The following PAM variants were observed in gnomAD, a reference collection of about 807,000 sequenced individuals.
The protein encoded by PAM is peptidylglycine alpha-amidating monooxygenase, also known as peptidyl-glycine alpha-amidating monooxygenase.
In PAM, 72 loss-of-function variants were observed where a neutral mutation model predicts 122.1. The observed-to-expected ratio is 0.59, with a 90% CI of 0.49 to 0.72. The LOEUF (loss-of-function observed/expected upper bound fraction) is 0.72. Among genes scored for constraint, PAM ranks in the 30% least tolerant of loss-of-function variants. The pLI, the probability that PAM is intolerant of heterozygous loss-of-function variation, is 0.00. For missense variants in PAM, 1,106 were observed against 1,183.7 expected (o/e 0.93, Z 0.96); for synonymous variants, 389 against 404.4 (o/e 0.96, Z 0.46).
intron 3 of PAM, among the ~76,000 whole-genome samples, chr5:102,878,930 T>G (rs1320963101): frequency 1.3e-5 from 2 of 152,030 alleles, no homozygotes; most frequent in African/African-American, 2.4e-5. Context: ...TTCTTTTTTT[T>G]TTTGTTTTTT....
intron 22 of PAM, among the ~76,000 whole-genome samples, chr5:103,018,762 A>T (rs1782719227): frequency 6.6e-6 from 1 of 152,194 alleles, no homozygotes; most frequent in Non-Finnish European, 1.5e-5. Context: ...ATGATTCCTG[A>T]ACTCATTAAT....
At position 102,926,602 on chromosome 5, in the gene PAM, G is replaced by C. The variant is rs757217194; in HGVS notation, c.460G>C (p.Gly154Arg). The change falls in exon 7 of 26, where the codon GGA becomes CGA. Residue 154 changes from glycine (G) to arginine (R), a missense_variant. Gly to Arg is a moderately radical substitution (Grantham distance 125). Around this residue, in one of 3 missense-constraint regions of PAM, gnomAD observed 670 missense variants for 690.3 expected, o/e 0.97. Coordinates refer to ENST00000438793, the MANE Select transcript of PAM (RefSeq NM_001177306.2). ...RLPKGVGFRV[G>R]GETGSKYFVL... Reference sequence around the variant, plus strand: ...ATCTTTAGGTGTTGGATTCAGAGTTGGAGGAGAGACTGGAAGTAAATACTT... The same window carrying C: ...ATCTTTAGGTGTTGGATTCAGAGTTCGAGGAGAGACTGGAAGTAAATACTT... 1.9e-6 allele frequency: 3 copies of C among 1,584,960 alleles called. No homozygotes were observed.
intron 12 of PAM, among the ~76,000 whole-genome samples, chr5:102,956,507 C>T (rs3776871): frequency 0.29 from 43,522 of 151,792 alleles, 6,519 homozygotes; most frequent in East Asian, 0.43. Context: ...TTACATTATT[C>T]AGAAAGTTAC....
At chr5:102,813,482 A>G (rs1768613721) in intron 1 of PAM, among the ~76,000 whole-genome samples, 1 of 152,224 alleles carries the variant, frequency 6.6e-6, no homozygotes. Context: ...ATTGCAGATC[A>G]GAGAACCATT....
chr5:102,952,265 C>G (rs1180289371), intron 12 of PAM, among the ~76,000 whole-genome samples: 1 of 152,070 alleles, frequency 6.6e-6, no homozygotes, highest in Non-Finnish European at 1.5e-5. Flanking sequence ...TGAGTTCTGT[C>G]TGTGAGGTAA....
intron 3 of PAM, among the ~76,000 whole-genome samples, chr5:102,900,646 T>G (rs1797553841): frequency 6.6e-6 from 1 of 151,596 alleles, no homozygotes; most frequent in Admixed American, 6.6e-5. Context: ...GTATTTGTAT[T>G]GGGCATATTA....
upstream of PAM, chr5:102,755,251 C>T (rs1749745975): frequency 1.3e-5 from 2 of 152,216 alleles, no homozygotes; most frequent in African/African-American, 4.8e-5. Flanking sequence ...CTCAGCCTGT[C>T]CCCGCCCAGG....
intron 4 of PAM, among the ~76,000 whole-genome samples, chr5:102,911,282 C>T (rs1801321803): frequency 6.6e-6 from 1 of 151,938 alleles, no homozygotes; most frequent in Non-Finnish European, 1.5e-5. Context: ...TTCTAATATA[C>T]TTAGCATTTA....
At chr5:102,956,953 A>T (rs993905321) in intron 12 of PAM, among the ~76,000 whole-genome samples, 2 of 152,098 alleles carry the variant, frequency 1.3e-5, no homozygotes, top group African/African-American at 4.8e-5. Context: ...TATTAACAAG[A>T]TATTTTATAT....
At chr5:102,973,562 A>G (rs1231077684) in intron 14 of PAM, among the ~76,000 whole-genome samples, 1 of 152,202 alleles carries the variant, frequency 6.6e-6, no homozygotes, top group Admixed American at 6.6e-5. Context: ...AGGAACAACT[A>G]GAGCTTACAG....
At chr5:102,938,282 T>C (rs1753935322) in intron 7 of PAM, among the ~76,000 whole-genome samples, 1 of 152,194 alleles carries the variant, frequency 6.6e-6, no homozygotes, top group Non-Finnish European at 1.5e-5. Context: ...AGTCATCTCA[T>C]TGATTCCATG....
intron 4 of PAM, among the ~76,000 whole-genome samples, chr5:102,904,149 A>G (rs914393711): frequency 1.3e-5 from 2 of 151,524 alleles, no homozygotes; most frequent in South Asian, 2.1e-4. Flanking sequence ...GAATGAAGCT[A>G]TAGCCTTTTT....
chr5:102,854,421 C>T (rs73192711), intron 1 of PAM, among the ~76,000 whole-genome samples: 7,615 of 152,024 alleles, frequency 0.05, 414 homozygotes, highest in East Asian at 0.18. Flanking sequence ...CATTTTTCTG[C>T]GACTTAAAAA....
At chr5:102,854,921 T>C (rs561125369) in intron 1 of PAM, among the ~76,000 whole-genome samples, 85 of 152,352 alleles carry the variant, frequency 5.6e-4, no homozygotes, top group South Asian at 3.7e-3. Flanking sequence ...GTTAGTGCTA[T>C]AGACTAGAAA....
At chr5:103,028,321 C>A in intron 25 of PAM, 83 bp downstream of exon 25, 1 of 982,944 alleles carries the variant, frequency 1.0e-6, no homozygotes, top group Non-Finnish European at 1.6e-6. Flanking sequence ...GGAGATATTT[C>A]ATATTTTGTC....
intron 1 of PAM, among the ~76,000 whole-genome samples, chr5:102,849,620 T>C (rs1396500816): frequency 6.6e-6 from 1 of 151,034 alleles, no homozygotes; most frequent in Non-Finnish European, 1.5e-5. Flanking sequence ...CATGGGACAC[T>C]ACTTGGTTCA....
chr5:102,930,380 T>C (rs1040091153), intron 7 of PAM, among the ~76,000 whole-genome samples: 1 of 152,068 alleles, frequency 6.6e-6, no homozygotes, highest in Admixed American at 6.6e-5. Context: ...TGGGAAAGGC[T>C]TTCCAGAAGT....
intron 15 of PAM, 121 bp downstream of exon 15, chr5:102,974,557 A>G (rs555928784): frequency 1.2e-3 from 765 of 641,498 alleles, no homozygotes; most frequent in Non-Finnish European, 1.5e-3. Context: ...ACTTATCATT[A>G]GAAAAAAATT....
Position 102,900,255 on chromosome 5 carries a change from G to GTGGC in PAM, c.211-1101_211-1100insTGGC, listed in dbSNP as rs1554107232. On this transcript the variant is annotated intron_variant, in intron 3 of 25. Transcript: ENST00000438793. ...TTCAGGTCTCTTAATGTGTGTGTGT[G>GTGGC]GGGGGGGGGCGGGGGGAAGAGGGTA... 9.7e-5 allele frequency among the ~76,000 whole-genome samples: 8 copies of GTGGC among 82,894 alleles called. No homozygotes were observed. The East Asian group carries it at 3.1e-3, about 32-fold the overall frequency. 54.4% of individuals were successfully genotyped at this position (82,894 alleles called of 152,430 possible).
Sources: allele counts gnomAD v4.1 joint callset (sites outside exome capture counted in the v4.1 genomes callset), GRCh38; gene constraint gnomAD v4.1.1; regional missense constraint gnomAD v4.1.1; transcripts MANE v1.5; gene names NCBI Gene and HGNC (gene_info 2026-07-23, HGNC 2026-07-21).